ARNT2: variants seen among roughly 807,000 people sequenced by gnomAD.
ARNT2 encodes ARNT protein 2.
ARNT2 carries 36 observed loss-of-function variants against 91.7 expected under a neutral mutation model. The observed-to-expected ratio is 0.39, with a 90% CI of 0.30 to 0.52. The LOEUF (loss-of-function observed/expected upper bound fraction) is 0.52. Ranked by LOEUF, ARNT2 falls within the 20% of genes least tolerant of loss-of-function variation. ARNT2 has a pLI of 0.72. For synonymous variants in ARNT2, 365 were observed against 347.1 expected, an observed-to-expected ratio of 1.05 and a Z score of -0.57; for missense variants, 775 against 939.3, an observed-to-expected ratio of 0.83 and a Z score of 2.29.
chr15:80,576,932 C>T lies in ARNT2; in HGVS notation c.1580C>T (p.Pro527Leu), dbSNP rs2141477968. ...GTQQIYSQGSPFPSGHSGKAF... is the reference protein window; with the variant it reads ...GTQQIYSQGSLFPSGHSGKAF... ...CAGCAGATCTACTCCCAAGGAAGCCCATTTCCCTCTGGACACTCCGGGAAG... is the reference window on the plus strand; with the variant it reads ...CAGCAGATCTACTCCCAAGGAAGCCTATTTCCCTCTGGACACTCCGGGAAG... The change falls in exon 15 of 19, where the codon CCA (proline) becomes CTA (leucine). Residue 527 changes from proline to leucine, a missense_variant. Coordinates refer to ENST00000303329, the MANE Select transcript of ARNT2 (RefSeq NM_014862.4). 6.2e-7 allele frequency: 1 copy of T among 1,614,112 alleles called. No homozygotes were observed. The highest frequency in any genetic ancestry group is 2.2e-5 in the East Asian group (1 of 44,882).
chr15:80,465,561 G>A (rs757277785), intron 3 of ARNT2, among the ~76,000 whole-genome samples: 5 of 152,276 alleles, frequency 3.3e-5, no homozygotes, highest in Non-Finnish European at 7.4e-5. Flanking sequence ...GAGGTGTAGT[G>A]ACCAGTCGTA....
chr15:80,554,263 G>A (rs2141458066), intron 10 of ARNT2, among the ~76,000 whole-genome samples: 1 of 152,184 alleles, frequency 6.6e-6, no homozygotes, highest in African/African-American at 2.4e-5. Flanking sequence ...ACAAAAATTA[G>A]CTGGGCATGG....
chr15:80,578,409 C>T (rs907381562), intron 15 of ARNT2, among the ~76,000 whole-genome samples: 5 of 151,876 alleles, frequency 3.3e-5, no homozygotes, highest in African/African-American at 1.2e-4. Flanking sequence ...AGAGGATGAC[C>T]ACGTTGTTCT....
At position 80,591,660 on chromosome 15, in the gene ARNT2, G is replaced by A; in HGVS notation, c.2011G>A (p.Glu671Lys). The change falls in exon 18 of 19, where the codon GAG (glutamate) becomes AAG (lysine). Residue 671 changes from glutamate (E) to lysine (K), a missense_variant. This residue lies in a region of ARNT2 where 325 missense variants were observed against 359.9 expected (regional missense o/e 0.90). Coordinates refer to ENST00000303329, the MANE Select transcript of ARNT2 (RefSeq NM_014862.4). This position sits in a 1 kb window ranked among gnomAD's most constrained non-coding sequence, Gnocchi z 5.1. ...CCAGCACCATGGCCAGCAGAGCGGT[G>A]AGCAGCACTCCCACCAGCAGCCCGG... ...QSQHHGQQSGEQHSHQQPGQT... is the reference protein window; with the variant it reads ...QSQHHGQQSGKQHSHQQPGQT... 6.2e-7 allele frequency: 1 copy of A among 1,614,112 alleles called. No homozygotes were observed. Among genetic ancestry groups the A allele is most frequent in the Non-Finnish European group, 8.5e-7 (1 of 1,179,960 alleles).
intron 3 of ARNT2, among the ~76,000 whole-genome samples, chr15:80,463,303 C>T (rs188421933): frequency 4.7e-4 from 71 of 152,288 alleles, no homozygotes; most frequent in Non-Finnish European, 1.0e-4. Context: ...AGAGATTCAG[C>T]CGAGCCTTTC....
At chr15:80,449,446 A>G (rs1437833924) in intron 1 of ARNT2, among the ~76,000 whole-genome samples, 1 of 152,200 alleles carries the variant, frequency 6.6e-6, no homozygotes, top group African/African-American at 2.4e-5. Context: ...ATTGCTTTTA[A>G]TACTGTCTAG....
chr15:80,534,237 A>G (rs1159689760), intron 8 of ARNT2, among the ~76,000 whole-genome samples: 1 of 152,156 alleles, frequency 6.6e-6, no homozygotes, highest in African/African-American at 2.4e-5. Context: ...GCATTGTTTG[A>G]GAATGATGTA....
At chr15:80,541,903 A>T (rs967795190) in intron 8 of ARNT2, among the ~76,000 whole-genome samples, 2 of 152,150 alleles carry the variant, frequency 1.3e-5, no homozygotes, top group Admixed American at 1.3e-4. Context: ...GCAGTCATCC[A>T]TCAAGACCCT....
chr15:80,440,540 G>A (rs569404413), intron 1 of ARNT2, among the ~76,000 whole-genome samples: 1 of 152,332 alleles, frequency 6.6e-6, no homozygotes, highest in East Asian at 1.9e-4. Context: ...ACCATAGTGT[G>A]CTGTAGTGCA....
At chr15:80,537,838 A>G (rs1377090483) in intron 8 of ARNT2, among the ~76,000 whole-genome samples, 2 of 152,222 alleles carry the variant, frequency 1.3e-5, no homozygotes, top group African/African-American at 2.4e-5. Context: ...ACTATTTATA[A>G]CAGTGCTTCA....
At chr15:80,414,255 G>T (rs1217204801) in intron 1 of ARNT2, among the ~76,000 whole-genome samples, 1 of 152,178 alleles carries the variant, frequency 6.6e-6, no homozygotes, top group Non-Finnish European at 1.5e-5. Flanking sequence ...GGGTGCTACT[G>T]GCATCTACGG....
intron 1 of ARNT2, chr15:80,443,115 G>C (rs548677776): frequency 8.8e-6 from 7 of 793,432 alleles, no homozygotes; most frequent in Non-Finnish European, 1.1e-5. Context: ...AGTGATATTT[G>C]AGCAAAATCT....
chr15:80,596,796 A>T lies in ARNT2; in HGVS notation c.*3098A>T, dbSNP rs1461622460. 3.7e-6 allele frequency: 1 copy of T among 270,806 alleles called. No individual in the cohort carries two copies. The highest frequency in any genetic ancestry group is 8.9e-5 in the East Asian group (1 of 11,184). The allele number at this position is 270,806 out of a possible 1,614,324, so 16.8% of individuals were successfully genotyped here. A position where few individuals can be genotyped will look rare whatever the true frequency, so the allele number is the denominator to read the frequency against. On this transcript the variant is annotated 3_prime_UTR_variant, in exon 19 of 19. Coordinates refer to ENST00000303329, the MANE Select transcript of ARNT2 (RefSeq NM_014862.4). ...AGCTCCCCACTGAAGAGGTCTGTAC[A>T]GTGACAACCCGGGCCGGCAGCAAGG... is the stretch of plus-strand genomic sequence containing the variant.
chr15:80,443,626 G>T (rs1437783343), intron 1 of ARNT2, among the ~76,000 whole-genome samples: 2 of 152,198 alleles, frequency 1.3e-5, no homozygotes, highest in Non-Finnish European at 2.9e-5. Flanking sequence ...TGCACAAGAT[G>T]CCCTGAGGTC....
chr15:80,584,000 G>T (rs1396571254), intron 17 of ARNT2, among the ~76,000 whole-genome samples: 1 of 152,248 alleles, frequency 6.6e-6, no homozygotes, highest in African/African-American at 2.4e-5. Context: ...TGCCATCAGT[G>T]CATCATGTGT....
chr15:80,455,304 T>C (rs972102952), intron 2 of ARNT2, among the ~76,000 whole-genome samples: 26 of 152,278 alleles, frequency 1.7e-4, no homozygotes, highest in African/African-American at 6.3e-4. Flanking sequence ...CTGATTTACC[T>C]CCTGGTTCGC....
chr15:80,467,364 C>G (rs4778597), intron 3 of ARNT2, among the ~76,000 whole-genome samples: 99,308 of 152,064 alleles, frequency 0.65, 33,506 homozygotes, highest in Non-Finnish European at 0.74. Flanking sequence ...TGTGCTGAAT[C>G]GAAGATAAGT....
chr15:80,559,327 A>AGACCCAGC (rs1567001217), intron 11 of ARNT2, among the ~76,000 whole-genome samples: 3 of 151,204 alleles, frequency 2.0e-5, no homozygotes, highest in Admixed American at 6.6e-5. Context: ...CCAGCCCCAG[A>AGACCCAGC]CCCAGCCCCA....
intron 6 of ARNT2, among the ~76,000 whole-genome samples, chr15:80,512,608 G>T (rs1297577945): frequency 6.6e-6 from 1 of 152,242 alleles, no homozygotes; most frequent in Non-Finnish European, 1.5e-5. Context: ...GTCCTGCAGT[G>T]CTTCTGTGAA....
Sources: gnomAD v4.1 joint callset for allele counts (sites outside exome capture counted in the v4.1 genomes callset) on GRCh38, gnomAD v4.1.1 for gene constraint, gnomAD v4.1.1 regional missense constraint, Gnocchi (gnomAD v3.1) non-coding constraint, MANE v1.5 for transcripts, NCBI Gene and HGNC (gene_info 2026-07-23, HGNC 2026-07-21) for gene names.